PTN: variants seen among roughly 807,000 people sequenced by gnomAD.
The protein encoded by PTN is heparin affin regulatory protein.
Under a neutral mutation model 24.1 loss-of-function variants are expected in PTN, and 18 were observed. The ratio of observed to expected loss-of-function variants is 0.75; its 90% CI spans 0.52 to 1.11. PTN has a LOEUF of 1.11. Among genes scored for constraint, PTN ranks in the 50% least tolerant of loss-of-function variants. The pLI is 0.00. For missense variants in PTN, 163 were observed against 198.8 expected, an observed-to-expected ratio of 0.82 and a Z score of 1.08; for synonymous variants, 78 against 68.6, an observed-to-expected ratio of 1.14 and a Z score of -0.67.
chr7:137,286,332 G>C (rs1032161113), intron 1 of PTN, among the ~76,000 whole-genome samples: 1 of 152,164 alleles, frequency 6.6e-6, no homozygotes, highest in Admixed American at 6.5e-5. Flanking sequence ...TGAACCCTTA[G>C]CTCTCTAAAC....
At chr7:137,288,957 ATAATGT>A (rs1809599550) in intron 1 of PTN, among the ~76,000 whole-genome samples, 1 of 152,136 alleles carries the variant, frequency 6.6e-6, no homozygotes. Flanking sequence ...CCCTACTGAA[ATAATGT>A]TAAGATTACT....
intron 4 of PTN, among the ~76,000 whole-genome samples, chr7:137,236,623 CCA>C (rs1808526316): frequency 6.6e-6 from 1 of 152,064 alleles, no homozygotes; most frequent in Non-Finnish European, 1.5e-5. Flanking sequence ...CCATCCCACA[CCA>C]CAGATTCATC....
intron 1 of PTN, among the ~76,000 whole-genome samples, chr7:137,278,967 AATAATAATAATAAT>A (rs1809418558): frequency 6.8e-6 from 1 of 146,442 alleles, no homozygotes; most frequent in African/African-American, 2.5e-5. Flanking sequence ...TAATAATAAT[AATAATAATAATAAT>A]AAAATAAAGA....
Position 137,335,928 on chromosome 7 carries a change from C to CCTTTT in PTN, c.-2+7510_-2+7511insAAAAG, listed in dbSNP as rs1452375474. Among the ~76,000 whole-genome samples, 2 of 141,896 alleles carry CCTTTT rather than the reference C, an allele frequency of 1.4e-5. 1 individual carries two copies. The highest frequency in any genetic ancestry group is 3.0e-5 in the Non-Finnish European group (2 of 65,588). 93.1% of individuals were successfully genotyped at this position (141,896 alleles called of 152,430 possible). ...CAGCCTCATTTAAGATGTCTTCTCG[C>CCTTTT]TTTTTTTTTTTTTTTTTAGTATGAC... On this transcript the variant is annotated intron_variant, in intron 1 of 4. Transcript: ENST00000348225.
At chr7:137,282,222 T>C (rs560632645) in intron 1 of PTN, among the ~76,000 whole-genome samples, 1 of 152,248 alleles carries the variant, frequency 6.6e-6, no homozygotes, top group East Asian at 1.9e-4. Flanking sequence ...AAGAGAGCTA[T>C]CACTTTTGTT....
rs939734433 is a variant in PTN at position 137,343,428 on chromosome 7, C to T, written c.-2+11G>A. On this transcript the variant is annotated intron_variant, in intron 1 of 4. Coordinates refer to ENST00000348225, the MANE Select transcript of PTN (RefSeq NM_002825.7). The stretch of plus-strand genomic sequence containing the variant: ...GAGCCCTCCGAGAAATCGTACGTTC[C>T]TCTCACTTACTTTGAGTTGGAAACG... 3.9e-6 allele frequency: 2 copies of T among 510,588 alleles called. No homozygotes were observed. The highest frequency in any genetic ancestry group is 3.9e-5 in the African/African-American group (2 of 51,742). The allele number at this position is 510,588 out of a possible 1,614,324, so 31.6% of individuals were successfully genotyped here. A position where few individuals can be genotyped will look rare whatever the true frequency, so the allele number is the denominator to read the frequency against.
chr7:137,310,406 T>TG (rs1562918916), intron 1 of PTN, among the ~76,000 whole-genome samples: 2 of 62,096 alleles, frequency 3.2e-5, no homozygotes, highest in African/African-American at 3.4e-4. Flanking sequence ...TTTTTTTTGT[T>TG]TTTTTTTTTT....
intron 1 of PTN, among the ~76,000 whole-genome samples, chr7:137,342,107 G>T (rs1810543604): frequency 1.3e-5 from 2 of 152,094 alleles, no homozygotes; most frequent in African/African-American, 4.8e-5. Flanking sequence ...TTGTTTCATT[G>T]TCATTAACTT....
At chr7:137,241,424 C>G (rs940970462) in intron 4 of PTN, among the ~76,000 whole-genome samples, 1 of 152,264 alleles carries the variant, frequency 6.6e-6, no homozygotes, top group East Asian at 1.9e-4. Flanking sequence ...TAAATATAAA[C>G]TATAATCACT....
chr7:137,233,042 T>C (rs1808455511), intron 4 of PTN, among the ~76,000 whole-genome samples: 1 of 151,984 alleles, frequency 6.6e-6, no homozygotes, highest in Admixed American at 6.6e-5. Flanking sequence ...GAGAATGGGC[T>C]AATACAGTAA....
chr7:137,256,155 T>C (rs1362733891), intron 1 of PTN, among the ~76,000 whole-genome samples: 2 of 152,194 alleles, frequency 1.3e-5, no homozygotes, highest in Admixed American at 1.3e-4. Context: ...TGTGGCATTG[T>C]ATATGCTGTC....
At chr7:137,272,745 T>C (rs1400799347) in intron 1 of PTN, among the ~76,000 whole-genome samples, 1 of 152,204 alleles carries the variant, frequency 6.6e-6, no homozygotes, top group Non-Finnish European at 1.5e-5. Flanking sequence ...AATAAAATAA[T>C]GTCCCACATT....
chr7:137,286,673 C>T (rs1809558888), intron 1 of PTN, among the ~76,000 whole-genome samples: 1 of 152,034 alleles, frequency 6.6e-6, no homozygotes, highest in Non-Finnish European at 1.5e-5. Flanking sequence ...ATCCCAGGTA[C>T]CAGGCTGAGT....
At chr7:137,317,328 TAGTG>T (rs1481390573) in intron 1 of PTN, among the ~76,000 whole-genome samples, 1 of 152,200 alleles carries the variant, frequency 6.6e-6, no homozygotes, top group Non-Finnish European at 1.5e-5. Flanking sequence ...CCTATGTGGT[TAGTG>T]AAAGTTAAAT....
At chr7:137,239,119 C>T (rs1286933482) in intron 4 of PTN, among the ~76,000 whole-genome samples, 6 of 152,132 alleles carry the variant, frequency 3.9e-5, no homozygotes, top group African/African-American at 1.4e-4. Flanking sequence ...TGCTAGTTCT[C>T]ACAGCTGCCC....
At chr7:137,250,603 A>G (rs1338786424) in intron 4 of PTN, among the ~76,000 whole-genome samples, 1 of 152,216 alleles carries the variant, frequency 6.6e-6, no homozygotes, top group African/African-American at 2.4e-5. Flanking sequence ...GGATCCTTGT[A>G]TGTATGAATT....
chr7:137,247,530 G>A (rs371692828), intron 4 of PTN, among the ~76,000 whole-genome samples: 8 of 152,122 alleles, frequency 5.3e-5, no homozygotes, highest in East Asian at 3.9e-4. Context: ...GTAGTGATGG[G>A]TGGTTGGGAT....
intron 4 of PTN, among the ~76,000 whole-genome samples, chr7:137,241,746 G>C (rs540308547): frequency 6.6e-6 from 1 of 152,226 alleles, no homozygotes; most frequent in South Asian, 2.1e-4. Flanking sequence ...TTCACAAGCA[G>C]AATAAAAAAG....
intron 1 of PTN, among the ~76,000 whole-genome samples, chr7:137,330,203 T>C (rs1348714540): frequency 6.6e-6 from 1 of 151,940 alleles, no homozygotes; most frequent in African/African-American, 2.4e-5. Context: ...AAGAGAAATG[T>C]TGAACTCAGG....
Sources: gnomAD v4.1 joint callset for allele counts (sites outside exome capture counted in the v4.1 genomes callset) on GRCh38, gnomAD v4.1.1 for gene constraint, MANE v1.5 for transcripts, NCBI Gene and HGNC (gene_info 2026-07-23, HGNC 2026-07-21) for gene names.